HMGCLL1: variants seen among roughly 807,000 people sequenced by gnomAD.
The protein encoded by HMGCLL1 is 3-hydroxymethyl-3-methylglutaryl-CoA lyase, cytoplasmic.
Under a neutral mutation model 39.1 loss-of-function variants are expected in HMGCLL1, and 36 were observed. The observed-to-expected ratio is 0.92, with a 90% CI of 0.71 to 1.22. The LOEUF is 1.22. Among genes scored for constraint, HMGCLL1 ranks in the 50% most tolerant of loss-of-function variants. The pLI, the probability that HMGCLL1 is intolerant of heterozygous loss-of-function variation, is 0.00. For synonymous variants in HMGCLL1, 149 were observed against 144.0 expected (o/e 1.03, Z -0.25); for missense variants, 451 against 416.5 (o/e 1.08, Z -0.72).
chr6:55,528,662 AC>A (rs1185090395), intron 3 of HMGCLL1, among the ~76,000 whole-genome samples: 175 of 151,516 alleles, frequency 1.2e-3, no homozygotes, highest in African/African-American at 4.1e-3. Context: ...TCTACCCAAT[AC>A]CCTGTCTTGG....
At chr6:55,650,082 CACATATACATATATAT>C in the HMGCLL1 span, among the ~76,000 whole-genome samples, 1 of 73,586 alleles carries the variant, frequency 1.4e-5, no homozygotes, top group Non-Finnish European at 2.6e-5. Flanking sequence ...TATATACACA[CACATATACATATATAT>C]ATATATATAT....
chr6:55,533,064 T>C (rs1421426704), intron 3 of HMGCLL1, among the ~76,000 whole-genome samples: 2 of 151,336 alleles, frequency 1.3e-5, no homozygotes, highest in Non-Finnish European at 2.9e-5. Context: ...AATTGATTAG[T>C]AGCCCCCACT....
In HMGCLL1 at chr6:55,435,652, T is replaced by C. The variant is rs772843418; in HGVS notation, c.*10A>G. On this transcript the variant is annotated 3_prime_UTR_variant, in exon 9 of 9. Transcript: ENST00000274901. Reference sequence around the variant, plus strand: ...GATCTTCTCAACGGTACGTCATAAATCCATTCAAGTCAAGCATTGAAGGAG... The same window carrying C: ...GATCTTCTCAACGGTACGTCATAAACCCATTCAAGTCAAGCATTGAAGGAG... 8.6e-6 allele frequency: 13 copies of C among 1,504,300 alleles called. No homozygotes were observed. Among genetic ancestry groups the C allele is most frequent in the Non-Finnish European group, 1.2e-5 (13 of 1,090,974 alleles). The allele number at this position is 1,504,300 out of a possible 1,614,324, so 93.2% of individuals were successfully genotyped here. A position where few individuals can be genotyped will look rare whatever the true frequency, so the allele number is the denominator to read the frequency against.
At chr6:55,667,204 A>T in the HMGCLL1 span, among the ~76,000 whole-genome samples, 1 of 151,898 alleles carries the variant, frequency 6.6e-6, no homozygotes, top group Admixed American at 6.6e-5. Context: ...GTGCATCACA[A>T]ATCACAAAAT....
upstream of HMGCLL1, among the ~76,000 whole-genome samples, chr6:55,582,070 C>T (rs191527807): frequency 6.6e-6 from 1 of 152,220 alleles, no homozygotes; most frequent in Non-Finnish European, 1.5e-5. Flanking sequence ...TCTCTCTGCT[C>T]CACTTCCTAT....
At chr6:55,508,855 C>A (rs1767298754) in intron 5 of HMGCLL1, among the ~76,000 whole-genome samples, 1 of 151,854 alleles carries the variant, frequency 6.6e-6, no homozygotes, top group South Asian at 2.1e-4. Flanking sequence ...AATTCTACTT[C>A]TTGCCCAGGT....
At chr6:55,626,281 C>A in the HMGCLL1 span, among the ~76,000 whole-genome samples, 1 of 152,134 alleles carries the variant, frequency 6.6e-6, no homozygotes, top group African/African-American at 2.4e-5. Flanking sequence ...CAGTAGATCA[C>A]AGAATGCCTT....
chr6:55,503,147 T>C (rs1766981346), intron 5 of HMGCLL1, among the ~76,000 whole-genome samples: 1 of 151,342 alleles, frequency 6.6e-6, no homozygotes, highest in African/African-American at 2.4e-5. Flanking sequence ...CTGATTGCTT[T>C]CTGCCCTTAC....
intron 3 of HMGCLL1, among the ~76,000 whole-genome samples, chr6:55,535,984 T>C (rs2127452237): frequency 6.6e-6 from 1 of 152,286 alleles, no homozygotes; most frequent in East Asian, 1.9e-4. Flanking sequence ...AGGACTGGAC[T>C]TGGTAGCAGA....
At chr6:55,572,664 A>G (rs1237115431) in intron 1 of HMGCLL1, among the ~76,000 whole-genome samples, 1 of 152,146 alleles carries the variant, frequency 6.6e-6, no homozygotes, top group Non-Finnish European at 1.5e-5. Flanking sequence ...ATATAATGGA[A>G]TATAACAAGT....
chr6:55,554,995 G>C (rs1483287400), intron 1 of HMGCLL1, among the ~76,000 whole-genome samples: 2 of 152,098 alleles, frequency 1.3e-5, no homozygotes, highest in Non-Finnish European at 2.9e-5. Flanking sequence ...CCTCTGCAAG[G>C]CAGAAAGCAG....
the HMGCLL1 span, among the ~76,000 whole-genome samples, chr6:55,622,757 G>A: frequency 6.6e-6 from 1 of 151,906 alleles, no homozygotes. Flanking sequence ...TTAATATCAG[G>A]GTAATATTTG....
chr6:55,509,799 T>C (rs1052417429), intron 5 of HMGCLL1, among the ~76,000 whole-genome samples: 7 of 151,850 alleles, frequency 4.6e-5, no homozygotes, highest in Non-Finnish European at 8.8e-5. Flanking sequence ...TGGAAGCATT[T>C]AAGACCAAAT....
At chr6:55,668,288 G>T in the HMGCLL1 span, among the ~76,000 whole-genome samples, 1 of 151,862 alleles carries the variant, frequency 6.6e-6, no homozygotes, top group African/African-American at 2.4e-5. Context: ...TCTGTGACAG[G>T]GTTAACAGAA....
chr6:55,588,579 A>G, the HMGCLL1 span, among the ~76,000 whole-genome samples: 1 of 152,112 alleles, frequency 6.6e-6, no homozygotes, highest in East Asian at 1.9e-4. Context: ...GGAGTTAGAG[A>G]CACAAAAAAC....
chr6:55,601,534 T>C, the HMGCLL1 span, among the ~76,000 whole-genome samples: 1,977 of 152,230 alleles, frequency 0.013, 43 homozygotes, highest in African/African-American at 0.043. Context: ...ACTCAAGAAA[T>C]AAGGATATCA....
At chr6:55,442,950 T>C (rs770105647) in intron 7 of HMGCLL1, among the ~76,000 whole-genome samples, 8 of 152,198 alleles carry the variant, frequency 5.3e-5, no homozygotes, top group Non-Finnish European at 1.2e-4. Context: ...AGGTTAAAAC[T>C]GATCTATTCA....
intron 7 of HMGCLL1, among the ~76,000 whole-genome samples, chr6:55,486,070 G>GTA (rs1189924641): frequency 6.7e-6 from 1 of 149,096 alleles, no homozygotes; most frequent in Non-Finnish European, 1.5e-5. Context: ...CTATGTCGGT[G>GTA]TATACACACA....
At chr6:55,470,465 A>T (rs1764997081) in intron 7 of HMGCLL1, among the ~76,000 whole-genome samples, 1 of 151,862 alleles carries the variant, frequency 6.6e-6, no homozygotes. Flanking sequence ...AAATATTGTA[A>T]TTGATAGCTT....
Sources: gnomAD v4.1 joint callset for allele counts (sites outside exome capture counted in the v4.1 genomes callset) on GRCh38, gnomAD v4.1.1 for gene constraint, MANE v1.5 for transcripts, NCBI Gene and HGNC (gene_info 2026-07-23, HGNC 2026-07-21) for gene names.